Variants in SH3BGRL observed in about 807,000 individuals in gnomAD.
SH3BGRL encodes adapter SH3BGRL.
A neutral mutation model predicts 9.8 loss-of-function variants in SH3BGRL; 7 were observed. The ratio of observed to expected loss-of-function variants is 0.72; its 90% CI spans 0.41 to 1.35. SH3BGRL has a LOEUF of 1.35. Ranked by LOEUF, SH3BGRL falls within the 40% of genes most tolerant of loss-of-function variation. The pLI is 0.01. For synonymous variants in SH3BGRL, 36 were observed against 29.1 expected, an observed-to-expected ratio of 1.24 and a Z score of -0.76; for missense variants, 73 against 84.4, an observed-to-expected ratio of 0.86 and a Z score of 0.53.
chrX:81,203,978 G>A (rs953506163), intron 1 of SH3BGRL, among the ~76,000 whole-genome samples: 7 of 110,050 alleles, frequency 6.4e-5, no homozygotes, highest in African/African-American at 2.0e-4. Context: ...GGGTACCATT[G>A]AACCTCTCAC....
At chrX:81,273,419 A>AG (rs1446809799) in intron 1 of SH3BGRL, among the ~76,000 whole-genome samples, 11 of 112,341 alleles carry the variant, frequency 9.8e-5, no homozygotes, top group Non-Finnish European at 1.3e-4. Context: ...TTGTAATGTG[A>AG]GGAAGGGATC....
chrX:81,260,697 A>T lies in SH3BGRL; in HGVS notation c.46-16287A>T, dbSNP rs1201116193. On this transcript the variant is annotated intron_variant, in intron 1 of 3. Coordinates refer to ENST00000373212, the MANE Select transcript of SH3BGRL (RefSeq NM_003022.3). ...TCATTAAATTATCTACTAGTATGGA[A>T]TTTGTGACCTTATAATTATAATTAA... Among the ~76,000 whole-genome samples the T allele has an allele frequency of 3.6e-5, 4 of 110,850 alleles. 1 individual carries two copies. The highest frequency in any genetic ancestry group is 2.9e-4 in the Admixed American group (3 of 10,303).
At chrX:81,245,473 A>G (rs1190726809) in intron 1 of SH3BGRL, among the ~76,000 whole-genome samples, 1 of 112,212 alleles carries the variant, frequency 8.9e-6, no homozygotes, top group Non-Finnish European at 1.9e-5. Context: ...GCTTTTATGT[A>G]ATAAGAGATC....
chrX:81,269,958 T>G (rs1294302488), intron 1 of SH3BGRL, among the ~76,000 whole-genome samples: 1 of 110,850 alleles, frequency 9.0e-6, no homozygotes, highest in African/African-American at 3.3e-5. Flanking sequence ...TTACTTTATT[T>G]CATTAATTTG....
chrX:81,216,810 A>G (rs764315585), intron 1 of SH3BGRL, among the ~76,000 whole-genome samples: 2 of 111,774 alleles, frequency 1.8e-5, no homozygotes, highest in South Asian at 3.7e-4. Flanking sequence ...TCCATTGTGT[A>G]TATGTGCCAC....
intron 1 of SH3BGRL, among the ~76,000 whole-genome samples, chrX:81,267,348 C>CT (rs1286312469): frequency 9.0e-6 from 1 of 111,498 alleles, no homozygotes; most frequent in African/African-American, 3.3e-5. Context: ...TGGGTTTGTC[C>CT]TAAATAGCTC....
chrX:81,206,324 A>G (rs1182894207), intron 1 of SH3BGRL, among the ~76,000 whole-genome samples: 1 of 111,887 alleles, frequency 8.9e-6, no homozygotes. Context: ...GGTAACCATA[A>G]TAATGATAGT....
chrX:81,289,581 T>C (rs1382790562), intron 3 of SH3BGRL, among the ~76,000 whole-genome samples: 1 of 111,163 alleles, frequency 9.0e-6, no homozygotes, highest in East Asian at 2.8e-4. Context: ...ATAGGGGCCA[T>C]GCATGGTGGC....
At chrX:81,217,014 C>T (rs1257724180) in intron 1 of SH3BGRL, among the ~76,000 whole-genome samples, 1 of 109,993 alleles carries the variant, frequency 9.1e-6, no homozygotes, top group East Asian at 2.8e-4. Flanking sequence ...TTTGAGGAAC[C>T]TCCCAACTGT....
chrX:81,241,836 G>A (rs906614842), intron 1 of SH3BGRL, among the ~76,000 whole-genome samples: 1 of 112,452 alleles, frequency 8.9e-6, no homozygotes, highest in East Asian at 2.8e-4. Flanking sequence ...TGGAAGGCAC[G>A]TGCAGTACAT....
At chrX:81,243,693 CAACT>C (rs1327824228) in intron 1 of SH3BGRL, among the ~76,000 whole-genome samples, 5 of 109,971 alleles carry the variant, frequency 4.5e-5, no homozygotes, top group Middle Eastern at 4.7e-3. Context: ...ATATATATAC[CAACT>C]ATGTGCTCAC....
chrX:81,287,407 C>A, intron 3 of SH3BGRL, among the ~76,000 whole-genome samples: 1 of 111,519 alleles, frequency 9.0e-6, no homozygotes, highest in Non-Finnish European at 1.9e-5. Flanking sequence ...GTACAATCAA[C>A]CAAGATTGAA....
chrX:81,260,657 G>T lies in SH3BGRL; in HGVS notation c.46-16327G>T, dbSNP rs188536094. Among the ~76,000 whole-genome samples, 6 of 110,712 alleles carry T rather than the reference G, an allele frequency of 5.4e-5. No individual in the cohort carries two copies. The Admixed American group carries it at 5.8e-4, about 11-fold the overall frequency. On this transcript the variant is annotated intron_variant, in intron 1 of 3. Transcript: ENST00000373212. ...GAAAGAGGCCAAACTTTGATTAAGG[G>T]CTCGTTAGATTCCATCATTAAATTA...
intron 3 of SH3BGRL, among the ~76,000 whole-genome samples, chrX:81,279,624 T>A (rs1487796258): frequency 9.0e-6 from 1 of 110,534 alleles, no homozygotes; most frequent in Admixed American, 9.6e-5. Context: ...TGGAGCTGAG[T>A]CAAGTTAGAG....
At chrX:81,295,092 A>C (rs966202728) in intron 3 of SH3BGRL, among the ~76,000 whole-genome samples, 3 of 112,141 alleles carry the variant, frequency 2.7e-5, no homozygotes, top group East Asian at 2.8e-4. Flanking sequence ...TACTTGTTTC[A>C]GATGAGACTT....
intron 1 of SH3BGRL, among the ~76,000 whole-genome samples, chrX:81,208,563 A>C (rs2075554351): frequency 8.9e-6 from 1 of 112,359 alleles, no homozygotes; most frequent in African/African-American, 3.2e-5. Flanking sequence ...GATACAAGTA[A>C]ACAGATTAAG....
intron 3 of SH3BGRL, among the ~76,000 whole-genome samples, chrX:81,291,980 A>AG (rs2075859389): frequency 8.9e-6 from 1 of 111,898 alleles, no homozygotes; most frequent in Non-Finnish European, 1.9e-5. Flanking sequence ...CAGCCTTGGC[A>AG]ACTGCACTCA....
rs1323966805 is a variant in SH3BGRL at position 81,297,224 on chromosome X, A to G, written c.342A>G (p.Ala114=). 2.5e-6 allele frequency: 3 copies of G among 1,205,047 alleles called. No individual in the cohort carries two copies. The highest frequency in any genetic ancestry group is 2.2e-6 in the Non-Finnish European group (2 of 890,154). Residue 114 remains alanine (A), a synonymous_variant, in exon 4 of 4, where the codon GCA becomes GCG. Transcript: ENST00000373212. ...KEAEVQAKQQ[A] ...CAGAAGTGCAAGCAAAGCAGCAAGC[A>G]TGAACCTTAAGCACTGTGCTTTAAG...
chrX:81,274,502 T>C (rs768058088), intron 1 of SH3BGRL, among the ~76,000 whole-genome samples: 207 of 109,779 alleles, frequency 1.9e-3, no homozygotes, highest in African/African-American at 6.6e-3. Flanking sequence ...TCCCAGCTAC[T>C]CAGGAGGCTG....
Sources: gnomAD v4.1 joint callset for allele counts (sites outside exome capture counted in the v4.1 genomes callset) on GRCh38, gnomAD v4.1.1 for gene constraint, MANE v1.5 for transcripts, NCBI Gene and HGNC (gene_info 2026-07-23, HGNC 2026-07-21) for gene names.